SPATA33: variants seen among roughly 807,000 people sequenced by gnomAD.
The protein encoded by SPATA33 is spermatogenesis associated 33.
A neutral mutation model predicts 8.9 loss-of-function variants in SPATA33; 10 were observed. That is an observed-to-expected ratio of 1.12 (90% CI 0.69 to 1.90). The LOEUF (loss-of-function observed/expected upper bound fraction) is 1.90. Ranked by LOEUF, SPATA33 falls within the 40% of genes most tolerant of loss-of-function variation. The pLI is 0.00. For missense variants in SPATA33, 241 were observed against 178.3 expected (o/e 1.35, Z -2.00); for synonymous variants, 96 against 72.8 (o/e 1.32, Z -1.63).
At chr16:89,663,540 C>T (rs552214372) in intron 2 of SPATA33, among the ~76,000 whole-genome samples, 111 of 152,242 alleles carry the variant, frequency 7.3e-4, no homozygotes, top group African/African-American at 2.1e-3. Flanking sequence ...CCACCATACC[C>T]GGCCGTGATT....
intron 2 of SPATA33, among the ~76,000 whole-genome samples, chr16:89,666,517 G>T (rs1215210731): frequency 2.6e-5 from 4 of 152,166 alleles, no homozygotes; most frequent in Non-Finnish European, 5.9e-5. Flanking sequence ...TTCAAAATTA[G>T]GTGGGTGTGG....
At chr16:89,659,500 C>G (rs1416896619) in intron 2 of SPATA33, 1 of 152,226 alleles carries the variant, frequency 6.6e-6, no homozygotes, top group Non-Finnish European at 1.5e-5. Context: ...GTGGTGAAAC[C>G]CTGTCTCTAC....
chr16:89,658,068 G>A (rs1409217417), intron 1 of SPATA33, 120 bp downstream of exon 1: 2 of 1,466,406 alleles, frequency 1.4e-6, no homozygotes, highest in Non-Finnish European at 1.8e-6. Context: ...GGTGCGAACC[G>A]TTCCTGCCGC....
rs1237064414 is a variant in SPATA33, at chr16:89,663,760, A to G, written c.211+5339A>G. Among the ~76,000 whole-genome samples the G allele has an allele frequency of 3.3e-5, 5 of 152,138 alleles. No individual in the cohort carries two copies. The South Asian group carries it at 8.3e-4, about 25-fold the overall frequency. On this transcript the variant is annotated intron_variant, in intron 2 of 2. Coordinates refer to ENST00000579310, the MANE Select transcript of SPATA33 (RefSeq NM_001271907.2). ...GTGATTGATTAAATGGCGTAGCTGT[A>G]CATACACTCATAGTACCGGAGTCCA...
chr16:89,658,209 G>C (rs767711992), intron 1 of SPATA33, 39 bp from the exon 2 acceptor site: 2 of 1,610,854 alleles, frequency 1.2e-6, no homozygotes, highest in Admixed American at 1.7e-5. Context: ...CCCTGCATTC[G>C]GTAAGTCCCG....
chr16:89,668,552 G>A (rs542532556), intron 2 of SPATA33, among the ~76,000 whole-genome samples: 219 of 152,162 alleles, frequency 1.4e-3, no homozygotes, highest in Non-Finnish European at 1.7e-3. Context: ...GCCCTAGCTC[G>A]TAGCAGTGGC....
At position 89,658,257 on chromosome 16, in the gene SPATA33, A is replaced by G. The variant is rs1192661932; in HGVS notation, c.47A>G (p.Gln16Arg). The G allele has an allele frequency of 1.2e-6, 2 of 1,614,188 alleles. No homozygotes were observed. Among genetic ancestry groups the G allele is most frequent in the Admixed American group, 1.7e-5 (1 of 60,032 alleles). ...GATCCATATATTTCAGGTGAGGAGCAAAAGAAGGGATCCACCTATTCAGTT... is the reference window on the plus strand; with the variant it reads ...GATCCATATATTTCAGGTGAGGAGCGAAAGAAGGGATCCACCTATTCAGTT... ...SKEKPRKGEE[Q>R]KKGSTYSVPK... The change falls in exon 2 of 3, where the codon CAA (glutamine) becomes CGA (arginine). Residue 16 changes from glutamine (Q) to arginine (R), a missense_variant. Physicochemically the swap from Gln to Arg is conservative, Grantham distance 43. Coordinates refer to ENST00000579310, the MANE Select transcript of SPATA33 (RefSeq NM_001271907.2).
intron 2 of SPATA33, chr16:89,661,655 A>G (rs920896382): frequency 1.3e-5 from 2 of 152,194 alleles, no homozygotes; most frequent in African/African-American, 4.8e-5. Context: ...GAGAACTAAC[A>G]TCACAGATTT....
chr16:89,658,647 G>C (rs1348530172), intron 2 of SPATA33: 7 of 615,436 alleles, frequency 1.1e-5, no homozygotes, highest in African/African-American at 1.8e-5. Context: ...CGAGTGATAA[G>C]TGCGTACCAG....
intron 2 of SPATA33, among the ~76,000 whole-genome samples, chr16:89,666,211 A>G (rs1428729275): frequency 6.6e-6 from 1 of 152,124 alleles, no homozygotes; most frequent in Non-Finnish European, 1.5e-5. Context: ...ATGTGGGAAT[A>G]TATGGTCCCA....
At chr16:89,658,469 T>C in intron 2 of SPATA33, 48 bp downstream of exon 2, 1 of 1,554,218 alleles carries the variant, frequency 6.4e-7, no homozygotes, top group Non-Finnish European at 8.7e-7. Flanking sequence ...GCTTGGAGGA[T>C]CTGGGGCTGG....
chr16:89,658,473 G>A (rs1455133712), intron 2 of SPATA33, 52 bp downstream of exon 2: 2 of 1,549,524 alleles, frequency 1.3e-6, no homozygotes, highest in East Asian at 2.4e-5. Context: ...GGAGGATCTG[G>A]GGCTGGGGTG....
At position 89,658,354 on chromosome 16, in the gene SPATA33, G is replaced by A. The variant is rs764978613; in HGVS notation, c.144G>A (p.Lys48=). 3.7e-6 allele frequency: 6 copies of A among 1,613,798 alleles called. No homozygotes were observed. The highest frequency in any genetic ancestry group is 1.7e-5 in the Admixed American group (1 of 60,016). ...EARQADRESE[K]PVDSLHPGAG... The stretch of plus-strand genomic sequence containing the variant: ...GGCAGGCAGACAGGGAGTCGGAGAA[G>A]CCTGTGGACAGCCTCCACCCGGGGG... The change falls in exon 2 of 3, where the codon AAG becomes AAA. Residue 48 remains lysine (K), a synonymous_variant. Transcript: ENST00000579310.
At chr16:89,663,629 G>C (rs1413125175) in intron 2 of SPATA33, among the ~76,000 whole-genome samples, 1 of 152,134 alleles carries the variant, frequency 6.6e-6, no homozygotes, top group African/African-American at 2.4e-5. Context: ...CTTGGCGTTG[G>C]GGTAGGGAGT....
Position 89,658,905 on chromosome 16 carries a change from G to A in SPATA33, c.211+484G>A, listed in dbSNP as rs1030509874. On this transcript the variant is annotated intron_variant, in intron 2 of 2. Transcript: ENST00000579310. Reference sequence around the variant, plus strand: ...AACAGCCTAGTGTGGCCAGACCTTTGGGTGTGTGTGGGGAAGATGAGGCCC... The same window carrying A: ...AACAGCCTAGTGTGGCCAGACCTTTAGGTGTGTGTGGGGAAGATGAGGCCC... 135 of 162,092 alleles carry A rather than the reference G, an allele frequency of 8.3e-4. 1 individual carries two copies. Among genetic ancestry groups the A allele is most frequent in the Non-Finnish European group, 2.9e-4 (21 of 72,894 alleles). The allele number at this position is 162,092 out of a possible 1,614,324, so 10.0% of individuals were successfully genotyped here.
intron 2 of SPATA33, among the ~76,000 whole-genome samples, chr16:89,662,895 G>C (rs1392864413): frequency 2.0e-5 from 3 of 152,194 alleles, no homozygotes; most frequent in African/African-American, 4.8e-5. Context: ...CCGGGTTCAA[G>C]CAATTCTTCT....
At chr16:89,667,188 C>T (rs1363840018) in intron 2 of SPATA33, among the ~76,000 whole-genome samples, 3 of 152,202 alleles carry the variant, frequency 2.0e-5, no homozygotes, top group African/African-American at 7.2e-5. Context: ...GGGCGTCCTA[C>T]CAGACGCTGG....
intron 2 of SPATA33, among the ~76,000 whole-genome samples, chr16:89,662,408 G>T (rs2059976156): frequency 6.6e-6 from 1 of 151,366 alleles, no homozygotes. Flanking sequence ...ATTTTCTTGT[G>T]TGTTTGAACA....
intron 2 of SPATA33, chr16:89,658,838 G>C (rs1476127209): frequency 5.2e-6 from 1 of 192,606 alleles, no homozygotes; most frequent in Middle Eastern, 2.4e-3. Context: ...TGCGGAGGGT[G>C]ACCGAGGAGT....
Sources: gnomAD v4.1 joint callset for allele counts (sites outside exome capture counted in the v4.1 genomes callset) on GRCh38, gnomAD v4.1.1 for gene constraint, MANE v1.5 for transcripts, NCBI Gene and HGNC (gene_info 2026-07-23, HGNC 2026-07-21) for gene names.